Variants in SUMF1 observed in about 807,000 individuals in gnomAD.
The protein encoded by SUMF1 is formylglycine-generating enzyme.
Under a neutral mutation model 47.6 loss-of-function variants are expected in SUMF1, and 48 were observed. The ratio of observed to expected loss-of-function variants is 1.01; its 90% CI spans 0.80 to 1.28. The LOEUF is 1.28. SUMF1 is among the 50% of genes most tolerant of loss of function. SUMF1 has a pLI of 0.00. For synonymous variants in SUMF1, 230 were observed against 192.1 expected, an observed-to-expected ratio of 1.20 and a Z score of -1.63; for missense variants, 571 against 485.4, an observed-to-expected ratio of 1.18 and a Z score of -1.66.
intron 8 of SUMF1, among the ~76,000 whole-genome samples, chr3:4,290,649 C>T (rs934102678): frequency 6.6e-6 from 1 of 152,118 alleles, no homozygotes; most frequent in African/African-American, 2.4e-5. Flanking sequence ...CCTCATAGAA[C>T]CTTCTAAATC....
intron 8 of SUMF1, among the ~76,000 whole-genome samples, chr3:4,265,230 T>C (rs1200005850): frequency 6.6e-6 from 1 of 152,108 alleles, no homozygotes; most frequent in African/African-American, 2.4e-5. Context: ...TGTGAATATT[T>C]TTGCTACTAT....
chr3:4,264,156 T>C (rs1575033684), intron 8 of SUMF1, among the ~76,000 whole-genome samples: 1 of 152,108 alleles, frequency 6.6e-6, no homozygotes, highest in East Asian at 1.9e-4. Context: ...TCAGCAATCA[T>C]CTGAAATTGG....
chr3:4,368,405 C>G (rs1384471351), intron 8 of SUMF1, among the ~76,000 whole-genome samples: 2 of 152,176 alleles, frequency 1.3e-5, no homozygotes, highest in African/African-American at 4.8e-5. Flanking sequence ...TAAACTAGTT[C>G]AACCATTGTG....
chr3:4,458,351 C>T (rs2079720536), intron 1 of SUMF1, among the ~76,000 whole-genome samples: 1 of 152,054 alleles, frequency 6.6e-6, no homozygotes, highest in Admixed American at 6.5e-5. Context: ...ACAGAATTAC[C>T]ATATGATCCA....
At chr3:4,255,935 C>G (rs1696941758) in intron 8 of SUMF1, among the ~76,000 whole-genome samples, 1 of 120,784 alleles carries the variant, frequency 8.3e-6, no homozygotes, top group African/African-American at 3.6e-5. Context: ...ACAGTGCAAT[C>G]AAACTAGAAC....
At chr3:4,397,987 G>A (rs1402595486) in intron 7 of SUMF1, among the ~76,000 whole-genome samples, 1 of 151,912 alleles carries the variant, frequency 6.6e-6, no homozygotes, top group East Asian at 1.9e-4. Flanking sequence ...TCCCATAAAG[G>A]GTATTACTAT....
chr3:4,155,027 C>T lies in SUMF1; in HGVS notation c.1015-86282G>A, dbSNP rs578055181. 5.9e-4 allele frequency among the ~76,000 whole-genome samples: 89 copies of T among 151,418 alleles called. 3 individuals carry two copies. The highest frequency in any genetic ancestry group is 1.6e-4 in the Non-Finnish European group (11 of 68,014). ...TTTATGTTGGCAGACTTCAAAAAGG[C>T]AATTTGAAAGGAACATAGGTGACAT... On this transcript the variant is annotated intron_variant and NMD_transcript_variant, in intron 8 of 12. Coordinates refer to the SUMF1 transcript ENST00000448413.
intron 8 of SUMF1, among the ~76,000 whole-genome samples, chr3:4,308,541 A>C (rs1575075527): frequency 6.6e-6 from 1 of 152,348 alleles, no homozygotes; most frequent in East Asian, 1.9e-4. Context: ...ATTTCATTAA[A>C]ATTTCATGAT....
chr3:4,123,801 A>G (rs1371132922), intron 8 of SUMF1, among the ~76,000 whole-genome samples: 1 of 152,094 alleles, frequency 6.6e-6, no homozygotes, highest in African/African-American at 2.4e-5. Flanking sequence ...AATATCTCTG[A>G]GGTCTTGTTC....
chr3:4,437,959 A>T (rs1182217349), intron 3 of SUMF1, among the ~76,000 whole-genome samples: 1 of 152,066 alleles, frequency 6.6e-6, no homozygotes, highest in Non-Finnish European at 1.5e-5. Flanking sequence ...TAAAATAAAA[A>T]AATAAAATGA....
intron 8 of SUMF1, among the ~76,000 whole-genome samples, chr3:4,112,238 A>C (rs1378092681): frequency 6.6e-6 from 1 of 152,174 alleles, no homozygotes; most frequent in Non-Finnish European, 1.5e-5. Context: ...AGTACACCAG[A>C]TACATAAAAT....
chr3:4,160,694 A>C (rs1196882755), intron 8 of SUMF1, among the ~76,000 whole-genome samples: 20 of 151,790 alleles, frequency 1.3e-4, no homozygotes, highest in Admixed American at 1.3e-3. Context: ...CTCTTTGTTA[A>C]ATTTATCTGA....
chr3:4,280,551 G>A (rs1697507247), intron 8 of SUMF1, among the ~76,000 whole-genome samples: 1 of 152,112 alleles, frequency 6.6e-6, no homozygotes, highest in Non-Finnish European at 1.5e-5. Context: ...TTATAGAGAA[G>A]GTAGCTTTGA....
In SUMF1 at chr3:4,137,092, A is replaced by T. The variant is rs1425125905; in HGVS notation, c.1015-68347T>A. Reference sequence around the variant, plus strand: ...TTCCTCAAGGATCTAGAACTAGAAAAACCATTTGACCCAGCCATCCCAATA... The same window carrying T: ...TTCCTCAAGGATCTAGAACTAGAAATACCATTTGACCCAGCCATCCCAATA... On this transcript the variant is annotated intron_variant and NMD_transcript_variant, in intron 8 of 12. Coordinates refer to the SUMF1 transcript ENST00000448413. Among the ~76,000 whole-genome samples the T allele has an allele frequency of 3.3e-5, 5 of 151,950 alleles. 1 individual carries two copies. The highest frequency in any genetic ancestry group is 3.9e-4 in the East Asian group (2 of 5,176).
chr3:4,342,800 C>A (rs796082081), intron 8 of SUMF1, among the ~76,000 whole-genome samples: 45 of 152,304 alleles, frequency 3.0e-4, no homozygotes, highest in African/African-American at 1.0e-3. Context: ...TATCTGCAGT[C>A]ACAGAACCAT....
chr3:4,221,356 A>C (rs1318238756), intron 8 of SUMF1, among the ~76,000 whole-genome samples: 1 of 152,028 alleles, frequency 6.6e-6, no homozygotes, highest in East Asian at 1.9e-4. Context: ...TAATGTAGCC[A>C]AAAGTGCAAC....
chr3:4,223,391 T>C (rs962522984), intron 8 of SUMF1, among the ~76,000 whole-genome samples: 2 of 152,118 alleles, frequency 1.3e-5, no homozygotes, highest in Non-Finnish European at 2.9e-5. Context: ...TGGTATTACA[T>C]AGCTCACAGA....
intron 8 of SUMF1, among the ~76,000 whole-genome samples, chr3:4,250,974 G>A (rs1195710229): frequency 6.6e-6 from 1 of 152,116 alleles, no homozygotes; most frequent in Non-Finnish European, 1.5e-5. Flanking sequence ...ATAGATCAAG[G>A]AGTAATCTTG....
chr3:4,046,516 A>G (rs1695010121), intron 9 of SUMF1, among the ~76,000 whole-genome samples: 1 of 152,046 alleles, frequency 6.6e-6, no homozygotes, highest in African/African-American at 2.4e-5. Context: ...CTCTTCTCCC[A>G]GCCTTCTTCG....
Sources: gnomAD v4.1 joint callset for allele counts (sites outside exome capture counted in the v4.1 genomes callset) on GRCh38, gnomAD v4.1.1 for gene constraint, MANE v1.5 for transcripts, NCBI Gene and HGNC (gene_info 2026-07-23, HGNC 2026-07-21) for gene names.